The following VAV3 variants were observed in gnomAD, a reference collection of about 807,000 sequenced individuals.
VAV3 encodes the protein guanine nucleotide exchange factor VAV3.
VAV3 carries 94 observed loss-of-function variants against 131.2 expected under a neutral mutation model. The ratio of observed to expected loss-of-function variants is 0.72; its 90% CI spans 0.61 to 0.85. VAV3 has a LOEUF of 0.85. Ranked by LOEUF, VAV3 falls within the 40% of genes least tolerant of loss-of-function variation. VAV3 has a pLI of 0.00. For missense variants in VAV3, 939 were observed against 1,002.7 expected, an observed-to-expected ratio of 0.94 and a Z score of 0.86; for synonymous variants, 349 against 342.0, an observed-to-expected ratio of 1.02 and a Z score of -0.22.
chr1:107,577,385 G>T (rs1376128452), intron 25 of VAV3, among the ~76,000 whole-genome samples: 2 of 152,222 alleles, frequency 1.3e-5, no homozygotes, highest in Non-Finnish European at 2.9e-5. Context: ...TGGTGCCACT[G>T]CAATGGAAAA....
At chr1:107,677,129 A>G (rs1157246926) in intron 19 of VAV3, among the ~76,000 whole-genome samples, 2 of 152,232 alleles carry the variant, frequency 1.3e-5, no homozygotes, top group Non-Finnish European at 2.9e-5. Flanking sequence ...CTAATTGCCA[A>G]TATGAGTCAT....
chr1:107,847,309 A>T (rs1304259866), intron 2 of VAV3, among the ~76,000 whole-genome samples: 1 of 152,232 alleles, frequency 6.6e-6, no homozygotes, highest in Non-Finnish European at 1.5e-5. Flanking sequence ...AAATGCCCAC[A>T]GGAGAAAGTG....
chr1:107,584,335 G>A (rs1558066251), intron 25 of VAV3, among the ~76,000 whole-genome samples: 1 of 152,138 alleles, frequency 6.6e-6, no homozygotes, highest in Non-Finnish European at 1.5e-5. Context: ...TACCATTCAG[G>A]ACATAGGCAT....
Position 107,749,068 on chromosome 1 carries a change from C to T in VAV3, c.1402G>A (p.Gly468Ser). 6.3e-7 allele frequency: 1 copy of T among 1,591,002 alleles called. No individual in the cohort carries two copies. The highest frequency in any genetic ancestry group is 8.6e-7 in the Non-Finnish European group (1 of 1,166,608). The change falls in exon 15 of 27, where the codon GGC becomes AGC. Residue 468 changes from glycine (G) to serine (S), a missense_variant. By Grantham distance (56) the Gly-to-Ser change is moderately conservative. Transcript: ENST00000370056. The stretch of plus-strand genomic sequence containing the variant: ...CCTTGGGTATGGATGAGGTAGAAGC[C>T]ATAAGACCACTGTTAAAATTAATAT... ...TDKENKKWSY[G>S]FYLIHTQGQN...
At chr1:107,755,225 G>A (rs1664031003) in intron 12 of VAV3, among the ~76,000 whole-genome samples, 1 of 152,080 alleles carries the variant, frequency 6.6e-6, no homozygotes, top group Non-Finnish European at 1.5e-5. Context: ...AAGGTAAGAG[G>A]GACAAGCCAT....
chr1:107,760,721 G>T (rs1246639721), intron 10 of VAV3, 63 bp downstream of exon 10: 2 of 1,289,588 alleles, frequency 1.6e-6, no homozygotes, highest in Non-Finnish European at 2.2e-6. Context: ...TGTAGTTGAT[G>T]CTTCATTAAT....
chr1:107,820,052 T>C (rs1373554596), intron 2 of VAV3, among the ~76,000 whole-genome samples: 1 of 152,000 alleles, frequency 6.6e-6, no homozygotes, highest in Non-Finnish European at 1.5e-5. Context: ...AGTAAGAGGA[T>C]TCCTCAAAAA....
chr1:107,575,003 GCGCGCGCGCGCGCACA>G (rs765555601), intron 25 of VAV3, among the ~76,000 whole-genome samples: 3,650 of 34,150 alleles, frequency 0.11, 78 homozygotes, highest in East Asian at 0.26. Context: ...GCGTGCGTGC[GCGCGCGCGCGCGCACA>G]CGCGCGCGTG....
intron 2 of VAV3, among the ~76,000 whole-genome samples, chr1:107,846,217 G>A (rs1175531054): frequency 2.0e-5 from 3 of 152,062 alleles, no homozygotes; most frequent in Admixed American, 6.5e-5. Context: ...AAGCAAAGGA[G>A]AAACAAAATC....
chr1:107,916,158 T>C (rs969268556), intron 1 of VAV3, among the ~76,000 whole-genome samples: 12 of 152,062 alleles, frequency 7.9e-5, no homozygotes, highest in African/African-American at 2.9e-4. Context: ...AGACATCACA[T>C]TAAAAGGGAA....
intron 2 of VAV3, among the ~76,000 whole-genome samples, chr1:107,872,174 G>A (rs1367241979): frequency 6.6e-6 from 1 of 152,050 alleles, no homozygotes; most frequent in African/African-American, 2.4e-5. Context: ...CCCAAGCAAG[G>A]AGACCCTAGA....
intron 15 of VAV3, among the ~76,000 whole-genome samples, chr1:107,723,796 T>A (rs1419980221): frequency 6.6e-6 from 1 of 152,122 alleles, no homozygotes; most frequent in African/African-American, 2.4e-5. Context: ...TTGTTTTTCC[T>A]CTGTTGTAAA....
intron 1 of VAV3, among the ~76,000 whole-genome samples, chr1:107,875,805 T>C (rs568792006): frequency 6.6e-6 from 1 of 152,304 alleles, no homozygotes; most frequent in South Asian, 2.1e-4. Flanking sequence ...CATAAGGCTC[T>C]TGCAATAACC....
At chr1:107,725,501 T>C (rs1001280125) in intron 15 of VAV3, among the ~76,000 whole-genome samples, 7 of 152,182 alleles carry the variant, frequency 4.6e-5, no homozygotes, top group Non-Finnish European at 8.8e-5. Context: ...GAGCTGGTTA[T>C]GCTAGGCAAA....
chr1:107,598,178 A>T (rs1249195903), intron 24 of VAV3, among the ~76,000 whole-genome samples: 1 of 152,122 alleles, frequency 6.6e-6, no homozygotes, highest in Non-Finnish European at 1.5e-5. Context: ...ACATGGTGAA[A>T]CCCTGTCTCT....
In VAV3 at chr1:107,670,479, AT is replaced by A. The variant is rs201685860; in HGVS notation, c.1777+13008del. Reference sequence around the variant, plus strand: ...ACCTTTGCAAATGAAGATTAAACATATTTTTTTTTTTGCCTTTCAGAAATGT... The same window carrying A: ...ACCTTTGCAAATGAAGATTAAACATATTTTTTTTTTGCCTTTCAGAAATGT... On this transcript the variant is annotated intron_variant, in intron 19 of 26. Transcript: ENST00000370056. Among the ~76,000 whole-genome samples the A allele has an allele frequency of 3.5e-3, 518 of 147,592 alleles. 1 individual carries two copies. The highest frequency in any genetic ancestry group is 9.6e-3 in the East Asian group (49 of 5,092).
intron 15 of VAV3, among the ~76,000 whole-genome samples, chr1:107,719,084 G>C (rs1002785956): frequency 1.3e-5 from 2 of 152,144 alleles, no homozygotes; most frequent in Admixed American, 1.3e-4. Context: ...TTAAATGTTA[G>C]ACCTAAAACC....
intron 2 of VAV3, among the ~76,000 whole-genome samples, chr1:107,813,207 T>C (rs1456670598): frequency 1.3e-5 from 2 of 150,892 alleles, no homozygotes; most frequent in African/African-American, 4.9e-5. Flanking sequence ...AAGTATCAAA[T>C]AGAAAAATCA....
chr1:107,664,802 A>G (rs1170611876), intron 19 of VAV3, among the ~76,000 whole-genome samples: 1 of 152,208 alleles, frequency 6.6e-6, no homozygotes, highest in East Asian at 1.9e-4. Context: ...AAGAGGGAAT[A>G]CTGGAATTAA....
Sources: allele counts gnomAD v4.1 joint callset (sites outside exome capture counted in the v4.1 genomes callset), GRCh38; gene constraint gnomAD v4.1.1; transcripts MANE v1.5; gene names NCBI Gene and HGNC (gene_info 2026-07-23, HGNC 2026-07-21).